The following DNAI3 variants were observed in gnomAD, a reference collection of about 807,000 sequenced individuals.
DNAI3 encodes the protein dynein axonemal intermediate chain 3.
A neutral mutation model predicts 115.5 loss-of-function variants in DNAI3; 83 were observed. The observed-to-expected ratio is 0.72, with a 90% CI of 0.60 to 0.86. DNAI3 has a LOEUF of 0.86. Among genes scored for constraint, DNAI3 ranks in the 40% least tolerant of loss-of-function variants. The pLI is 0.00. For missense variants in DNAI3, 1,004 were observed against 1,075.8 expected, an observed-to-expected ratio of 0.93 and a Z score of 0.93; for synonymous variants, 320 against 347.0, an observed-to-expected ratio of 0.92 and a Z score of 0.86.
chr1:85,087,521 C>T (rs1260099722), intron 7 of DNAI3, among the ~76,000 whole-genome samples: 2 of 150,638 alleles, frequency 1.3e-5, no homozygotes, highest in East Asian at 3.9e-4. Flanking sequence ...CTATTTTTCT[C>T]CACTGTGCCA....
intron 18 of DNAI3, 125 bp downstream of exon 18, chr1:85,121,939 G>C (rs1656005163): frequency 7.7e-6 from 7 of 910,566 alleles, no homozygotes; most frequent in Non-Finnish European, 1.2e-5. Context: ...CTAAGGTACT[G>C]ACTAATAAAG....
At position 85,084,604 on chromosome 1, in the gene DNAI3, A is replaced by G. The variant is rs1654740593; in HGVS notation, c.449A>G (p.Tyr150Cys). 3 of 1,574,034 alleles carry G rather than the reference A, an allele frequency of 1.9e-6. No individual in the cohort carries two copies. The highest frequency in any genetic ancestry group is 2.7e-5 in the African/African-American group (2 of 72,754). ...AAAGAACATATTCCTGAAGATGTGT[A>G]TATTTATAAACCACCTGTCTCTAAA... The part of the protein sequence containing the change: ...EYKEHIPEDV[Y>C]IYKPPVSKPW... Residue 150 changes from tyrosine to cysteine, a missense_variant, in exon 6 of 23, where the codon TAT becomes TGT. Coordinates refer to ENST00000294664, the MANE Select transcript of DNAI3 (RefSeq NM_145172.5).
intron 10 of DNAI3, 45 bp downstream of exon 10, chr1:85,094,600 A>G: frequency 1.2e-6 from 2 of 1,603,244 alleles, no homozygotes; most frequent in Non-Finnish European, 1.7e-6. Context: ...TTCAAATACT[A>G]CTTTCATGTA....
intron 1 of DNAI3, among the ~76,000 whole-genome samples, chr1:85,069,875 T>C (rs1654213638): frequency 6.6e-6 from 1 of 152,312 alleles, no homozygotes; most frequent in East Asian, 1.9e-4. Flanking sequence ...TGGAGGACAT[T>C]TGACAGTCTA....
In DNAI3 at chr1:85,081,276, A is replaced by C. The variant is rs1310043087; in HGVS notation, c.146A>C (p.Gln49Pro). 2 of 1,602,892 alleles carry C rather than the reference A, an allele frequency of 1.2e-6. No individual in the cohort carries two copies. The highest frequency in any genetic ancestry group is 3.5e-5 in the Admixed American group (2 of 56,532). Residue 49 changes from glutamine (Q) to proline (P), a missense_variant, in exon 4 of 23, where the codon CAA (glutamine) becomes CCA (proline). Coordinates refer to ENST00000294664, the MANE Select transcript of DNAI3 (RefSeq NM_145172.5). ...CCTTTAGTATTAACCACCAAGACCC[A>C]AGAAATATTTAACTGCCGAATAGAT... is the stretch of plus-strand genomic sequence containing the variant. ...IYPLVLTTKT[Q>P]EIFNCRIDED...
intron 18 of DNAI3, among the ~76,000 whole-genome samples, chr1:85,122,227 T>G (rs1035062707): frequency 6.6e-6 from 1 of 152,176 alleles, no homozygotes; most frequent in Non-Finnish European, 1.5e-5. Flanking sequence ...CAATGTGAGA[T>G]TATAAGCAAA....
chr1:85,080,046 C>CTTTTTTTTTTTT (rs35938324), intron 3 of DNAI3, among the ~76,000 whole-genome samples: 260 of 68,374 alleles, frequency 3.8e-3, no homozygotes, highest in African/African-American at 4.4e-3. Context: ...TTTTCTTTTT[C>CTTTTTTTTTTTT]TTTTTTTTTT....
At chr1:85,131,296 A>C (rs892337720) in intron 22 of DNAI3, among the ~76,000 whole-genome samples, 4 of 151,684 alleles carry the variant, frequency 2.6e-5, no homozygotes, top group African/African-American at 9.7e-5. Flanking sequence ...AATACAAAAT[A>C]AGCCGGGCAT....
Position 85,132,850 on chromosome 1 carries a change from C to T in DNAI3, c.2533-5C>T. Reference sequence around the variant, plus strand: ...AGGGATGTCTTGTTTTTCTTCCCCCCCCAGAAAACATATCAGAAGTCAAAA... The same window carrying T: ...AGGGATGTCTTGTTTTTCTTCCCCCTCCAGAAAACATATCAGAAGTCAAAA... On this transcript the variant is annotated splice_polypyrimidine_tract_variant and splice_region_variant and intron_variant, in intron 22 of 22. Coordinates refer to ENST00000294664, the MANE Select transcript of DNAI3 (RefSeq NM_145172.5). The T allele has an allele frequency of 6.2e-7, 1 of 1,611,574 alleles. No individual in the cohort carries two copies. Among genetic ancestry groups the T allele is most frequent in the Non-Finnish European group, 8.5e-7 (1 of 1,179,186 alleles).
rs140517978 is a variant in DNAI3 at position 85,107,205 on chromosome 1, A to G, written c.1554-828A>G. On this transcript the variant is annotated intron_variant, in intron 14 of 22. Coordinates refer to ENST00000294664, the MANE Select transcript of DNAI3 (RefSeq NM_145172.5). The stretch of plus-strand genomic sequence containing the variant: ...CAGTTCCTCAAAAGATTAAACACAG[A>G]GTTACCATTTAACCCAGCAATTCCA... Among the ~76,000 whole-genome samples the G allele has an allele frequency of 1.4e-4, 22 of 152,324 alleles. No individual in the cohort carries two copies. In the East Asian group the frequency reaches 4.2e-3, roughly 29 times the overall value.
Position 85,110,065 on chromosome 1 carries a change from T to C in DNAI3, c.1716T>C (p.Gly572=). The stretch of plus-strand genomic sequence containing the variant: ...CCCAAAAGGTAAGGCTGTCCAAGGG[T>C]GAAACAAGTTTAGACCACTGTCCAA... The part of the protein sequence containing the change: ...KPLTKVRLSK[G]ETSLDHCPTK... The change falls in exon 16 of 23, where the codon GGT becomes GGC. Residue 572 remains glycine, a synonymous_variant. Transcript: ENST00000294664. 2 of 1,612,900 alleles carry C rather than the reference T, an allele frequency of 1.2e-6. No individual in the cohort carries two copies. Among genetic ancestry groups the C allele is most frequent in the Non-Finnish European group, 1.7e-6 (2 of 1,179,680 alleles).
At chr1:85,072,466 AC>A (rs1226413404) in intron 2 of DNAI3, among the ~76,000 whole-genome samples, 1 of 151,188 alleles carries the variant, frequency 6.6e-6, no homozygotes, top group African/African-American at 2.4e-5. Flanking sequence ...ACATGGTGAA[AC>A]CCCGTCTCTA....
intron 1 of DNAI3, among the ~76,000 whole-genome samples, chr1:85,066,901 T>C (rs746398390): frequency 5.9e-5 from 9 of 152,012 alleles, no homozygotes; most frequent in Non-Finnish European, 1.0e-4. Context: ...AAGATCTACA[T>C]AAAAAATAAA....
intron 3 of DNAI3, among the ~76,000 whole-genome samples, chr1:85,078,600 G>A (rs1654534741): frequency 6.6e-6 from 1 of 152,216 alleles, no homozygotes; most frequent in African/African-American, 2.4e-5. Flanking sequence ...CTATGGTGCT[G>A]TTCTCAGTGT....
Position 85,132,925 on chromosome 1 carries a change from TG to T in DNAI3, c.2605del (p.Glu869LysfsTer10), listed in dbSNP as rs1201277384. 18 of 1,613,988 alleles carry T rather than the reference TG, an allele frequency of 1.1e-5. No individual in the cohort carries two copies. Among genetic ancestry groups the T allele is most frequent in the Non-Finnish European group, 1.5e-5 (18 of 1,179,934 alleles). On this transcript the variant is annotated frameshift_variant, in exon 23 of 23. Coordinates refer to ENST00000294664, the MANE Select transcript of DNAI3 (RefSeq NM_145172.5). LOFTEE classifies it low-confidence loss of function (END_TRUNC). Reference sequence around the variant, plus strand: ...ATGGACTATGAGAGTTATCTGGAACTGGAAAAGACTGTTCTTATCAACCTTG... The same window carrying T: ...ATGGACTATGAGAGTTATCTGGAACTGAAAAGACTGTTCTTATCAACCTTG... ...LKMDYESYLE[L>X]EKTVLINLGL...
intron 3 of DNAI3, 56 bp downstream of exon 3, chr1:85,073,148 T>G: frequency 7.7e-7 from 1 of 1,297,948 alleles, no homozygotes; most frequent in Non-Finnish European, 1.1e-6. Flanking sequence ...ATTTTAATAA[T>G]GCAATAAGCA....
intron 12 of DNAI3, among the ~76,000 whole-genome samples, chr1:85,098,199 A>T (rs184046187): frequency 9.4e-4 from 143 of 152,348 alleles, no homozygotes; most frequent in African/African-American, 3.3e-3. Context: ...TTCAGCCTTA[A>T]CATCAACAAG....
intron 17 of DNAI3, among the ~76,000 whole-genome samples, chr1:85,118,874 A>G (rs896932653): frequency 6.6e-6 from 1 of 152,072 alleles, no homozygotes; most frequent in Non-Finnish European, 1.5e-5. Flanking sequence ...GGTTGAGAGT[A>G]GAATTCCAAG....
At chr1:85,122,005 A>G (rs1317757374) in intron 18 of DNAI3, among the ~76,000 whole-genome samples, 191 bp downstream of exon 18, 3 of 152,216 alleles carry the variant, frequency 2.0e-5, no homozygotes, top group Admixed American at 2.0e-4. Context: ...GAAAATACAC[A>G]TAAAAATCTT....
Sources: allele counts gnomAD v4.1 joint callset (sites outside exome capture counted in the v4.1 genomes callset), GRCh38; gene constraint gnomAD v4.1.1; transcripts MANE v1.5; gene names NCBI Gene and HGNC (gene_info 2026-07-23, HGNC 2026-07-21).